The following MCHR2 variants were observed in gnomAD, a reference collection of about 807,000 sequenced individuals.
MCHR2 encodes the protein melanin concentrating hormone receptor 2.
In MCHR2, 15 loss-of-function variants were observed where a neutral mutation model predicts 24.8. That is an observed-to-expected ratio of 0.60 (90% CI 0.40 to 0.93). MCHR2 has a LOEUF of 0.93. Ranked by LOEUF, MCHR2 falls within the 40% of genes least tolerant of loss-of-function variation. The pLI is 0.00. For synonymous variants in MCHR2, 151 were observed against 147.6 expected (o/e 1.02, Z -0.17); for missense variants, 386 against 408.7 (o/e 0.94, Z 0.48).
chr6:99,976,962 G>C (rs925977409), intron 1 of MCHR2, among the ~76,000 whole-genome samples: 6 of 152,136 alleles, frequency 3.9e-5, no homozygotes, highest in Non-Finnish European at 8.8e-5. Context: ...AGCAACCTTA[G>C]GCGAACGGAG....
chr6:99,937,819 G>T (rs952883441), intron 4 of MCHR2, among the ~76,000 whole-genome samples: 11 of 151,158 alleles, frequency 7.3e-5, no homozygotes, highest in Non-Finnish European at 1.2e-4. Flanking sequence ...ATTCAGCAAT[G>T]AAGTCATCAG....
At chr6:99,951,946 G>C (rs1774973301) in intron 2 of MCHR2, among the ~76,000 whole-genome samples, 1 of 152,120 alleles carries the variant, frequency 6.6e-6, no homozygotes, top group Non-Finnish European at 1.5e-5. Flanking sequence ...TCTATTTTTG[G>C]AGGATAGGGC....
intron 1 of MCHR2, among the ~76,000 whole-genome samples, chr6:99,982,492 A>G (rs948722707): frequency 6.7e-6 from 1 of 149,150 alleles, no homozygotes; most frequent in African/African-American, 2.5e-5. Flanking sequence ...AAAAAAAAAA[A>G]GCCAGGTGTG....
intron 2 of MCHR2, among the ~76,000 whole-genome samples, chr6:99,948,523 G>A (rs563459227): frequency 3.3e-5 from 5 of 152,230 alleles, no homozygotes; most frequent in Admixed American, 2.6e-4. Flanking sequence ...TCAGATAACT[G>A]TAACCCTGGA....
intron 5 of MCHR2, among the ~76,000 whole-genome samples, chr6:99,928,965 G>T (rs1378413466): frequency 3.3e-5 from 5 of 151,976 alleles, no homozygotes; most frequent in African/African-American, 1.2e-4. Context: ...GCTTTCTCTT[G>T]TGGGCATTTA....
chr6:99,982,966 CTTATTA>C (rs1395619831), intron 1 of MCHR2, among the ~76,000 whole-genome samples: 1 of 151,554 alleles, frequency 6.6e-6, no homozygotes, highest in East Asian at 1.9e-4. Flanking sequence ...TTTTGTTTGT[CTTATTA>C]TTATTAGAGT....
chr6:99,964,685 A>C (rs1256596318), intron 1 of MCHR2, among the ~76,000 whole-genome samples: 1 of 152,112 alleles, frequency 6.6e-6, no homozygotes, highest in Non-Finnish European at 1.5e-5. Flanking sequence ...GATTATGGAG[A>C]TTACAATTCA....
At chr6:99,986,679 G>A (rs1775775404) in intron 1 of MCHR2, among the ~76,000 whole-genome samples, 2 of 152,042 alleles carry the variant, frequency 1.3e-5, no homozygotes, top group African/African-American at 2.4e-5. Context: ...AGGTGGGAAG[G>A]TGGGAGGCGG....
chr6:99,924,224 C>T (rs542219172), intron 5 of MCHR2, among the ~76,000 whole-genome samples: 9 of 152,038 alleles, frequency 5.9e-5, no homozygotes, highest in Admixed American at 2.6e-4. Context: ...ACTAATGATC[C>T]TTTGAATTTC....
At chr6:99,934,673 C>A (rs1054792739) in intron 4 of MCHR2, among the ~76,000 whole-genome samples, 156 bp from the exon 5 acceptor site, 3 of 151,966 alleles carry the variant, frequency 2.0e-5, no homozygotes, top group Non-Finnish European at 4.4e-5. Context: ...TCTTTGGTTG[C>A]TTTATTGTAG....
rs549377424 is a variant in MCHR2, at chr6:99,927,944, G to C, written c.707+6454C>G. Reference sequence around the variant, plus strand: ...TTCAAAGGGAATGCTTCCAGTTTTTGCCCATTCAGTATGATATTGGCTGTG... The same window carrying C: ...TTCAAAGGGAATGCTTCCAGTTTTTCCCCATTCAGTATGATATTGGCTGTG... On this transcript the variant is annotated intron_variant, in intron 5 of 5. Transcript: ENST00000281806. 9.6e-3 allele frequency among the ~76,000 whole-genome samples: 1,465 copies of C among 152,174 alleles called. 23 individuals carry two copies. Among genetic ancestry groups the C allele is most frequent in the South Asian group, 0.02 (98 of 4,820 alleles).
chr6:99,992,551 G>T (rs1259862618), intron 1 of MCHR2, among the ~76,000 whole-genome samples: 1 of 152,164 alleles, frequency 6.6e-6, no homozygotes, highest in Non-Finnish European at 1.5e-5. Context: ...ATTGTTCCTG[G>T]CTCCTCTTTA....
intron 1 of MCHR2, among the ~76,000 whole-genome samples, chr6:99,972,886 T>C (rs2114572072): frequency 6.6e-6 from 1 of 152,326 alleles, no homozygotes; most frequent in East Asian, 1.9e-4. Flanking sequence ...GTGAGTTTCT[T>C]AATCTTGAGT....
chr6:99,977,434 C>A (rs932112641), intron 1 of MCHR2, among the ~76,000 whole-genome samples: 1 of 152,094 alleles, frequency 6.6e-6, no homozygotes, highest in Non-Finnish European at 1.5e-5. Context: ...AGAAAATGTA[C>A]CCTGCTCCTG....
At chr6:99,928,639 T>C (rs536802639) in intron 5 of MCHR2, among the ~76,000 whole-genome samples, 118 of 152,360 alleles carry the variant, frequency 7.7e-4, no homozygotes, top group Non-Finnish European at 1.2e-3. Flanking sequence ...GTGTTGGTAG[T>C]GTTCTCTGAT....
intron 5 of MCHR2, among the ~76,000 whole-genome samples, chr6:99,929,163 A>C (rs1477032836): frequency 6.6e-6 from 1 of 152,138 alleles, no homozygotes; most frequent in Non-Finnish European, 1.5e-5. Flanking sequence ...TGAGTTTCTT[A>C]ATCCTGAGTT....
chr6:99,938,524 G>T (rs1306217810), intron 4 of MCHR2, among the ~76,000 whole-genome samples: 1 of 151,996 alleles, frequency 6.6e-6, no homozygotes, highest in Non-Finnish European at 1.5e-5. Flanking sequence ...TCTTGTTATT[G>T]ATTTCTAGTT....
At position 99,918,830 on chromosome 6, in the gene MCHR2, A is replaced by G. The variant is rs965598968; in HGVS notation, c.*2110T>C. Reference sequence around the variant, plus strand: ...TTTCTACTTTGATTAAATGCTAAATAAAGCTCCTTACAACTCTTAGTAAAT... The same window carrying G: ...TTTCTACTTTGATTAAATGCTAAATGAAGCTCCTTACAACTCTTAGTAAAT... On this transcript the variant is annotated 3_prime_UTR_variant, in exon 6 of 6. Transcript: ENST00000281806. Among the ~76,000 whole-genome samples, 1 of 152,216 alleles carries G rather than the reference A, an allele frequency of 6.6e-6. No homozygotes were observed. Among genetic ancestry groups the G allele is most frequent in the Non-Finnish European group, 1.5e-5 (1 of 68,044 alleles).
chr6:99,952,652 G>A (rs2114536256), intron 2 of MCHR2, among the ~76,000 whole-genome samples: 1 of 152,112 alleles, frequency 6.6e-6, no homozygotes, highest in South Asian at 2.1e-4. Flanking sequence ...AATACAAACT[G>A]CCTTAAAATA....
Sources: gnomAD v4.1 joint callset for allele counts (sites outside exome capture counted in the v4.1 genomes callset) on GRCh38, gnomAD v4.1.1 for gene constraint, MANE v1.5 for transcripts, NCBI Gene and HGNC (gene_info 2026-07-23, HGNC 2026-07-21) for gene names.